Variants in ROBO1 observed in about 807,000 individuals in gnomAD.
ROBO1 encodes roundabout guidance receptor 1.
ROBO1 carries 149 observed loss-of-function variants against 195.9 expected under a neutral mutation model. The ratio of observed to expected loss-of-function variants is 0.76; its 90% CI spans 0.67 to 0.87. ROBO1 has a LOEUF of 0.87. Among genes scored for constraint, ROBO1 ranks in the 40% least tolerant of loss-of-function variants. ROBO1 has a pLI of 0.00. For missense variants in ROBO1, 1,933 were observed against 2,068.3 expected (o/e 0.93, Z 1.27); for synonymous variants, 816 against 733.2 (o/e 1.11, Z -1.82).
At chr3:79,323,668 T>A (rs2034084154) in intron 2 of ROBO1, among the ~76,000 whole-genome samples, 1 of 152,182 alleles carries the variant, frequency 6.6e-6, no homozygotes, top group Admixed American at 6.5e-5. Context: ...ATCATTTACT[T>A]GAGTTTATAA....
At chr3:79,595,845 A>G (rs1944152729) in intron 1 of ROBO1, among the ~76,000 whole-genome samples, 1 of 151,334 alleles carries the variant, frequency 6.6e-6, no homozygotes, top group Non-Finnish European at 1.5e-5. Flanking sequence ...GAGCCACTGG[A>G]CTTGGCCTCT....
chr3:78,957,506 G>T, intron 3 of ROBO1, among the ~76,000 whole-genome samples: 1 of 152,274 alleles, frequency 6.6e-6, no homozygotes, highest in Middle Eastern at 3.4e-3. Context: ...AAGCAAATCT[G>T]CAAGTTGTGT....
intron 4 of ROBO1, among the ~76,000 whole-genome samples, chr3:78,875,225 T>C (rs2035769835): frequency 6.6e-6 from 1 of 152,060 alleles, no homozygotes; most frequent in South Asian, 2.1e-4. Context: ...GTGATTCATT[T>C]TTAAAATAGA....
chr3:79,556,393 G>GA (rs1942699834), intron 2 of ROBO1, among the ~76,000 whole-genome samples: 1 of 151,888 alleles, frequency 6.6e-6, no homozygotes, highest in South Asian at 2.1e-4. Flanking sequence ...GATAATTGTA[G>GA]AAAAAAACAG....
At chr3:78,669,946 C>T in intron 11 of ROBO1, 150 bp downstream of exon 11, 1 of 602,750 alleles carries the variant, frequency 1.7e-6, no homozygotes, top group Non-Finnish European at 2.8e-6. Context: ...AATGAAATAT[C>T]TGAAAAAAAT....
At chr3:79,510,289 A>T (rs916176396) in intron 2 of ROBO1, among the ~76,000 whole-genome samples, 2 of 152,174 alleles carry the variant, frequency 1.3e-5, no homozygotes, top group South Asian at 2.1e-4. Flanking sequence ...TGATGGTATT[A>T]TGAGGGGCTT....
intron 4 of ROBO1, among the ~76,000 whole-genome samples, chr3:78,902,775 C>A (rs1049806472): frequency 1.1e-4 from 17 of 152,056 alleles, no homozygotes; most frequent in African/African-American, 4.1e-4. Context: ...ACCCAGCAGG[C>A]GGAGACTGCA....
At chr3:79,454,810 A>T (rs963175345) in intron 2 of ROBO1, among the ~76,000 whole-genome samples, 2 of 152,118 alleles carry the variant, frequency 1.3e-5, no homozygotes, top group South Asian at 4.1e-4. Flanking sequence ...CAACTAAAAC[A>T]CATACCTCAT....
chr3:79,275,029 A>C (rs1381340282), intron 2 of ROBO1, among the ~76,000 whole-genome samples: 1 of 151,962 alleles, frequency 6.6e-6, no homozygotes, highest in Non-Finnish European at 1.5e-5. Context: ...GACCCAGTAG[A>C]TACGCTGCTG....
chr3:79,038,965 C>T (rs1009187443), intron 3 of ROBO1, among the ~76,000 whole-genome samples: 1 of 152,138 alleles, frequency 6.6e-6, no homozygotes, highest in African/African-American at 2.4e-5. Flanking sequence ...GCTCCTTTCT[C>T]TCTATGCAGA....
At chr3:78,623,381 G>A (rs1475503574) in intron 26 of ROBO1, among the ~76,000 whole-genome samples, 1 of 152,132 alleles carries the variant, frequency 6.6e-6, no homozygotes, top group East Asian at 1.9e-4. Context: ...AAGATATTGA[G>A]GTGAGTGAGA....
At chr3:78,683,995 T>C (rs544889083) in intron 10 of ROBO1, among the ~76,000 whole-genome samples, 34 of 152,108 alleles carry the variant, frequency 2.2e-4, no homozygotes, top group African/African-American at 6.7e-4. Flanking sequence ...ATTTCCAATA[T>C]ACATATCTGA....
chr3:79,058,044 C>T (rs921539317), intron 3 of ROBO1, among the ~76,000 whole-genome samples: 1 of 152,018 alleles, frequency 6.6e-6, no homozygotes, highest in Non-Finnish European at 1.5e-5. Flanking sequence ...TGGTCTCCAG[C>T]ATCTCCCTTT....
At chr3:78,686,222 ATT>A (rs1483520303) in intron 9 of ROBO1, among the ~76,000 whole-genome samples, 1 of 152,006 alleles carries the variant, frequency 6.6e-6, no homozygotes, top group African/African-American at 2.4e-5. Context: ...ATTGATACAT[ATT>A]TTTCTATCTG....
intron 2 of ROBO1, among the ~76,000 whole-genome samples, chr3:79,499,861 A>C (rs559076236): frequency 6.6e-6 from 1 of 152,212 alleles, no homozygotes; most frequent in African/African-American, 2.4e-5. Flanking sequence ...CCCGAGAGTG[A>C]TGGGGCGCAA....
intron 3 of ROBO1, among the ~76,000 whole-genome samples, chr3:78,972,773 T>G (rs1046502941): frequency 3.9e-5 from 6 of 152,158 alleles, no homozygotes; most frequent in African/African-American, 1.4e-4. Context: ...GTTCCATTCC[T>G]CGATCACAGT....
intron 4 of ROBO1, among the ~76,000 whole-genome samples, chr3:78,910,967 C>G (rs1281069521): frequency 6.6e-6 from 1 of 151,924 alleles, no homozygotes; most frequent in Non-Finnish European, 1.5e-5. Flanking sequence ...GCCTAGCAAT[C>G]TAGGTTTTAA....
intron 2 of ROBO1, among the ~76,000 whole-genome samples, chr3:79,197,944 G>A (rs1397819062): frequency 6.7e-6 from 1 of 149,690 alleles, no homozygotes; most frequent in East Asian, 2.0e-4. Flanking sequence ...TTAGCCCTTT[G>A]TCAGATGGGT....
intron 2 of ROBO1, among the ~76,000 whole-genome samples, chr3:79,441,578 G>A (rs4325892): frequency 0.33 from 50,469 of 151,910 alleles, 9,867 homozygotes; most frequent in Admixed American, 0.48. Flanking sequence ...TAGAATAAGA[G>A]CATATGAAAA....
Sources: allele counts gnomAD v4.1 joint callset (sites outside exome capture counted in the v4.1 genomes callset), GRCh38; gene constraint gnomAD v4.1.1; transcripts MANE v1.5; gene names NCBI Gene and HGNC (gene_info 2026-07-23, HGNC 2026-07-21).